ACTN2: variants seen among roughly 807,000 people sequenced by gnomAD.
ACTN2 encodes the protein actinin alpha 2.
In ACTN2, 39 loss-of-function variants were observed where a neutral mutation model predicts 113.8. That is an observed-to-expected ratio of 0.34 (90% CI 0.27 to 0.45). The LOEUF is 0.45. ACTN2 is among the 20% of genes least tolerant of loss of function. The pLI is 1.00. For missense variants in ACTN2, 992 were observed against 1,177.9 expected (o/e 0.84, Z 2.31); for synonymous variants, 429 against 444.1 (o/e 0.97, Z 0.43).
chr1:236,713,287 G>A (rs904438019), intron 1 of ACTN2, among the ~76,000 whole-genome samples: 1 of 151,620 alleles, frequency 6.6e-6, no homozygotes, highest in African/African-American at 2.4e-5. Context: ...TAGTGCAATG[G>A]CACGATCTTG....
At chr1:236,727,875 C>A in intron 6 of ACTN2, 119 bp downstream of exon 6, 3 of 899,598 alleles carry the variant, frequency 3.3e-6, no homozygotes, top group East Asian at 2.6e-5. Flanking sequence ...AAACGGCCAC[C>A]AGGAAAAAGC....
At chr1:236,705,036 G>A (rs560055637) in intron 1 of ACTN2, among the ~76,000 whole-genome samples, 41 of 152,168 alleles carry the variant, frequency 2.7e-4, no homozygotes, top group Non-Finnish European at 4.4e-4. Context: ...ATTGCTTTAC[G>A]GCCAGCTCCA....
rs1203052096 is a variant in ACTN2, at chr1:236,742,754, TG to T, written c.1108-136del. 2.8e-5 allele frequency: 27 copies of T among 965,202 alleles called. 1 individual carries two copies. Among genetic ancestry groups the T allele is most frequent in the South Asian group, 1.8e-4 (13 of 71,598 alleles). The allele number at this position is 965,202 out of a possible 1,614,324, so 59.8% of individuals were successfully genotyped here. A position where few individuals can be genotyped will look rare whatever the true frequency, so the allele number is the denominator to read the frequency against. The stretch of plus-strand genomic sequence containing the variant: ...CCAAATAATTGAATGGTTATTGAGG[TG>T]GGGGGTAAGGAAGGAAAAGAAAACA... On this transcript the variant is annotated intron_variant, in intron 10 of 20. Coordinates refer to ENST00000366578, the MANE Select transcript of ACTN2 (RefSeq NM_001103.4).
At position 236,762,696 on chromosome 1, in the gene ACTN2, G is replaced by T; in HGVS notation, c.*77G>T. 1 of 1,541,548 alleles carries T rather than the reference G, an allele frequency of 6.5e-7. No homozygotes were observed. ...TCACAGTTTGTTTCCTGGAAACTTT[G>T]ACAAGCTTTATTAAGTTGAGAGAGA... On this transcript the variant is annotated 3_prime_UTR_variant, in exon 21 of 21. Transcript: ENST00000366578.
chr1:236,721,022 G>GTTTT (rs869077774), intron 4 of ACTN2, among the ~76,000 whole-genome samples: 2,685 of 66,270 alleles, frequency 0.041, 197 homozygotes, highest in South Asian at 0.059. Context: ...TTTGTTTTTT[G>GTTTT]TTTTTTTTTT....
At chr1:236,721,027 T>TG (rs992095419) in intron 4 of ACTN2, among the ~76,000 whole-genome samples, 2 of 97,224 alleles carry the variant, frequency 2.1e-5, no homozygotes, top group African/African-American at 7.3e-5. Context: ...TTTTTGTTTT[T>TG]TTTTTTTTTT....
intron 1 of ACTN2, among the ~76,000 whole-genome samples, chr1:236,697,289 G>A (rs1657535199): frequency 6.6e-6 from 1 of 152,164 alleles, no homozygotes; most frequent in Admixed American, 6.5e-5. Context: ...TTACATCATT[G>A]TATTCCAGCC....
Position 236,751,515 on chromosome 1 carries a change from G to T in ACTN2, c.1702G>T (p.Ala568Ser). The T allele has an allele frequency of 6.2e-7, 1 of 1,614,164 alleles. No individual in the cohort carries two copies. The highest frequency in any genetic ancestry group is 8.5e-7 in the Non-Finnish European group (1 of 1,180,012). Residue 568 changes from alanine to serine, a missense_variant, in exon 15 of 21, where the codon GCG becomes TCG. Ala to Ser is a moderately conservative substitution (Grantham distance 99). Around this residue, in one of 3 missense-constraint regions of ACTN2, gnomAD observed 736 missense variants for 815.4 expected, o/e 0.90. Coordinates refer to ENST00000366578, the MANE Select transcript of ACTN2 (RefSeq NM_001103.4). ...HEQFKATLPE[A>S]DGERQSIMAI... The stretch of plus-strand genomic sequence containing the variant: ...GCAGTTCAAGGCCACGCTGCCCGAG[G>T]CGGACGGAGAGCGGCAGTCCATCAT...
intron 18 of ACTN2, among the ~76,000 whole-genome samples, chr1:236,758,145 A>G (rs1033443396): frequency 6.6e-6 from 1 of 152,208 alleles, no homozygotes; most frequent in Non-Finnish European, 1.5e-5. Context: ...AAAAGCATAT[A>G]AAAAGCTAAG....
At chr1:236,697,492 ACT>A (rs1359487908) in intron 1 of ACTN2, among the ~76,000 whole-genome samples, 4 of 152,186 alleles carry the variant, frequency 2.6e-5, no homozygotes, top group African/African-American at 9.6e-5. Flanking sequence ...GTGAGCTAAG[ACT>A]AGAGGACTCC....
In ACTN2 at chr1:236,724,814, A is replaced by G. The variant is rs1474811846; in HGVS notation, c.449-1119A>G. ...GTCTGAGCGGCACATTTTTATGGTC[A>G]TCACAGATGGTGCTGGGTTTTTCCT... On this transcript the variant is annotated intron_variant, in intron 4 of 20. Transcript: ENST00000366578. Among the ~76,000 whole-genome samples the G allele has an allele frequency of 5.4e-5, 8 of 148,644 alleles. No homozygotes were observed. The South Asian group carries it at 1.3e-3, about 24-fold the overall frequency.
intron 1 of ACTN2, among the ~76,000 whole-genome samples, chr1:236,705,169 A>G (rs1182382780): frequency 6.6e-6 from 1 of 152,164 alleles, no homozygotes; most frequent in African/African-American, 2.4e-5. Flanking sequence ...GCCAAGAACA[A>G]TGGATAAAAC....
In ACTN2 at chr1:236,739,323, A is replaced by G; in HGVS notation, c.898A>G (p.Thr300Ala). ...ASELLEWIRR[T>A]IPWLENRTPE... The stretch of plus-strand genomic sequence containing the variant: ...GCAGCTTTTGGAATGGATTCGTCGC[A>G]CGATCCCCTGGCTGGAGAACCGGAC... The change falls in exon 10 of 21, where the codon ACG (threonine) becomes GCG (alanine). Residue 300 changes from threonine to alanine, a missense_variant. This residue lies in a region of ACTN2 where 736 missense variants were observed against 815.4 expected (regional missense o/e 0.90). Transcript: ENST00000366578. 1 of 1,613,970 alleles carries G rather than the reference A, an allele frequency of 6.2e-7. No individual in the cohort carries two copies. Among genetic ancestry groups the G allele is most frequent in the South Asian group, 1.1e-5 (1 of 91,070 alleles).
intron 1 of ACTN2, among the ~76,000 whole-genome samples, chr1:236,691,961 A>T (rs1487104223): frequency 6.6e-6 from 1 of 152,252 alleles, no homozygotes; most frequent in African/African-American, 2.4e-5. Flanking sequence ...AGGGCCTGGG[A>T]TGCTAAGGTG....
intron 5 of ACTN2, among the ~76,000 whole-genome samples, 162 bp from the exon 6 acceptor site, chr1:236,727,516 A>T (rs1658588125): frequency 7.1e-6 from 1 of 139,972 alleles, no homozygotes; most frequent in Admixed American, 7.9e-5. Flanking sequence ...TGGGAAGAAG[A>T]TGAGTGTTCA....
At chr1:236,728,269 G>C (rs188934835) in intron 6 of ACTN2, among the ~76,000 whole-genome samples, 20 of 150,818 alleles carry the variant, frequency 1.3e-4, no homozygotes, top group African/African-American at 4.9e-4. Context: ...TCAGCCTCCC[G>C]AGTAACTGGG....
chr1:236,689,467 C>G (rs755046415), intron 1 of ACTN2, among the ~76,000 whole-genome samples: 11 of 151,438 alleles, frequency 7.3e-5, no homozygotes, highest in African/African-American at 1.2e-4. Flanking sequence ...ACCTCCTGGG[C>G]TCAAGTGACC....
intron 19 of ACTN2, among the ~76,000 whole-genome samples, chr1:236,760,409 T>C (rs1439287274): frequency 2.6e-5 from 4 of 152,226 alleles, no homozygotes; most frequent in African/African-American, 9.6e-5. Context: ...AAGTGTATAC[T>C]TCAGTGGCTT....
chr1:236,712,690 G>A (rs1028783765), intron 1 of ACTN2, among the ~76,000 whole-genome samples: 4 of 152,016 alleles, frequency 2.6e-5, no homozygotes, highest in Non-Finnish European at 1.5e-5. Flanking sequence ...CAAAAAACAG[G>A]TACTTTCAAA....
Sources: allele counts gnomAD v4.1 joint callset (sites outside exome capture counted in the v4.1 genomes callset), GRCh38; gene constraint gnomAD v4.1.1; regional missense constraint gnomAD v4.1.1; transcripts MANE v1.5; gene names NCBI Gene and HGNC (gene_info 2026-07-23, HGNC 2026-07-21).